TDG: variants seen among roughly 807,000 people sequenced by gnomAD.
TDG encodes thymine DNA glycosylase.
TDG carries 23 observed loss-of-function variants against 46.1 expected under a neutral mutation model. The ratio of observed to expected loss-of-function variants is 0.50; its 90% CI spans 0.36 to 0.71. The LOEUF (loss-of-function observed/expected upper bound fraction) is 0.71, where lower values mean the gene tolerates loss of function less well. Ranked by LOEUF, TDG falls within the 30% of genes least tolerant of loss-of-function variation. TDG has a pLI of 0.00. For missense variants in TDG, 304 were observed against 486.7 expected (o/e 0.62, Z 3.53); for synonymous variants, 115 against 161.3 (o/e 0.71, Z 2.18).
intron 8 of TDG, 88 bp downstream of exon 8, chr12:103,985,008 TACATATAC>T (rs1407016478): frequency 3.2e-5 from 36 of 1,118,434 alleles, no homozygotes; most frequent in Non-Finnish European, 4.1e-5. Context: ...TATACATATA[TACATATAC>T]ACATATACAT....
chr12:103,973,062 A>G (rs1240937960), intron 1 of TDG: 3 of 701,156 alleles, frequency 4.3e-6, no homozygotes, highest in African/African-American at 3.5e-5. Context: ...TGACCATGTG[A>G]CAGAGTAAAA....
At chr12:103,973,115 G>A (rs1432589501) in intron 1 of TDG, 5 of 610,794 alleles carry the variant, frequency 8.2e-6, no homozygotes, top group African/African-American at 2.0e-5. Context: ...ACGGAGTTTC[G>A]CTCTTGTTGT....
chr12:103,978,225 C>T (rs1871633454), intron 2 of TDG, among the ~76,000 whole-genome samples: 1 of 151,118 alleles, frequency 6.6e-6, no homozygotes, highest in Admixed American at 6.6e-5. Flanking sequence ...CTAGCCATGG[C>T]TAATGGGTTT....
intron 4 of TDG, among the ~76,000 whole-genome samples, chr12:103,982,157 TTATC>T (rs1467366556): frequency 2.0e-5 from 3 of 152,242 alleles, no homozygotes; most frequent in Non-Finnish European, 4.4e-5. Flanking sequence ...AGGAAATTGA[TTATC>T]TAATAGTAAC....
At position 103,965,909 on chromosome 12, in the gene TDG, TG is replaced by T; in HGVS notation, c.-126del. The T allele has an allele frequency of 7.1e-7, 1 of 1,410,074 alleles. No individual in the cohort carries two copies. Among genetic ancestry groups the T allele is most frequent in the Non-Finnish European group, 9.6e-7 (1 of 1,044,094 alleles). 87.3% of individuals were successfully genotyped at this position (1,410,074 alleles called of 1,614,324 possible). The stretch of plus-strand genomic sequence containing the variant: ...GAGGAGCTTGAGTCCAGCCACTGTC[TG>T]GGTACTGCCAGCCATCGGGCCCAGG... On this transcript the variant is annotated 5_prime_UTR_variant, in exon 1 of 10. Transcript: ENST00000392872.
At chr12:103,980,175 T>C (rs1394599239) in intron 3 of TDG, 103 bp downstream of exon 3, 2 of 1,510,020 alleles carry the variant, frequency 1.3e-6, no homozygotes, top group East Asian at 2.3e-5. Context: ...GGACCATTTC[T>C]AAGAATCCTT....
Position 103,979,984 on chromosome 12 carries a change from A to G in TDG, c.320A>G (p.Lys107Arg), listed in dbSNP as rs552491179. Reference protein sequence around the residue: ...KITDTFKVKRKVDRFNGVSEA... With the variant: ...KITDTFKVKRRVDRFNGVSEA... ...ACAGACACATTTAAAGTAAAAAGAAAAGTAGACCGTTTTAATGGTGTTTCA... is the reference window on the plus strand; with the variant it reads ...ACAGACACATTTAAAGTAAAAAGAAGAGTAGACCGTTTTAATGGTGTTTCA... Residue 107 changes from lysine (K) to arginine (R), a missense_variant, in exon 3 of 10, where the codon AAA (lysine) becomes AGA (arginine). Physicochemically the swap from Lys to Arg is conservative, Grantham distance 26. Coordinates refer to ENST00000392872, the MANE Select transcript of TDG (RefSeq NM_003211.6). The G allele has an allele frequency of 6.2e-7, 1 of 1,613,410 alleles. No individual in the cohort carries two copies. The highest frequency in any genetic ancestry group is 8.5e-7 in the Non-Finnish European group (1 of 1,179,984).
intron 1 of TDG, among the ~76,000 whole-genome samples, chr12:103,968,460 A>C (rs976458485): frequency 6.6e-6 from 1 of 152,230 alleles, no homozygotes; most frequent in Non-Finnish European, 1.5e-5. Context: ...TCCCCAGTCT[A>C]CTGGCATGGT....
Position 103,979,892 on chromosome 12 carries a change from C to CA in TDG, c.234dup (p.Pro79ThrfsTer3). 1 of 1,607,630 alleles carries CA rather than the reference C, an allele frequency of 6.2e-7. No homozygotes were observed. The highest frequency in any genetic ancestry group is 8.5e-7 in the Non-Finnish European group (1 of 1,178,680). ...CAGAACCAAAACAACCAGTGGAACC[C>CA]AAAAAACCTGTTGAGTCAAAAAAAT... is the stretch of plus-strand genomic sequence containing the variant. On this transcript the variant is annotated frameshift_variant, in exon 3 of 10. Coordinates refer to ENST00000392872, the MANE Select transcript of TDG (RefSeq NM_003211.6). LOFTEE classifies it high-confidence loss of function.
At position 103,984,877 on chromosome 12, in the gene TDG, C is replaced by T. The variant is rs781101172; in HGVS notation, c.921C>T (p.Asp307=). Residue 307 remains aspartate (D), a synonymous_variant, in exon 8 of 10, where the codon GAC becomes GAT. Transcript: ENST00000392872. ...DQLKGIERNM[D]VQEVQYTFDL... ...TGAAAGGCATTGAACGAAATATGGA[C>T]GTTCAAGAGGTGCAATATACATTTG... 71 of 1,613,154 alleles carry T rather than the reference C, an allele frequency of 4.4e-5. No individual in the cohort carries two copies. Among genetic ancestry groups the T allele is most frequent in the East Asian group, 6.7e-5 (3 of 44,886 alleles).
At position 103,984,761 on chromosome 12, in the gene TDG, A is replaced by T; in HGVS notation, c.805A>T (p.Met269Leu). Residue 269 changes from methionine (M) to leucine (L), a missense_variant, in exon 8 of 10, where the codon ATG (methionine) becomes TTG (leucine). By Grantham distance (15) the Met-to-Leu change is conservative (BLOSUM62 2). Coordinates refer to ENST00000392872, the MANE Select transcript of TDG (RefSeq NM_003211.6). ...IPDTETLCYV[M>L]PSSSARCAQF... ...GTTGTGATTCTAGCTCTGCTATGTT[A>T]TGCCATCATCCAGTGCAAGATGTGC... is the stretch of plus-strand genomic sequence containing the variant. 1 of 1,608,600 alleles carries T rather than the reference A, an allele frequency of 6.2e-7. No individual in the cohort carries two copies. The highest frequency in any genetic ancestry group is 8.5e-7 in the Non-Finnish European group (1 of 1,176,256).
intron 1 of TDG, among the ~76,000 whole-genome samples, chr12:103,967,363 G>A (rs1410928116): frequency 2.6e-5 from 4 of 151,824 alleles, no homozygotes; most frequent in African/African-American, 7.3e-5. Context: ...AAATGACTCA[G>A]ACCCCAGGTA....
At position 103,980,077 on chromosome 12, in the gene TDG, G is replaced by T. The variant is rs747463909; in HGVS notation, c.408+5G>T. The T allele has an allele frequency of 1.2e-6, 2 of 1,613,942 alleles. No homozygotes were observed. Among genetic ancestry groups the T allele is most frequent in the Non-Finnish European group, 1.7e-6 (2 of 1,179,964 alleles). On this transcript the variant is annotated splice_donor_5th_base_variant and intron_variant, in intron 3 of 9. Transcript: ENST00000392872. ...TTCAATCTGGACATTGTCATTGTAA[G>T]ATCTTTGTCCTCGTTGGATTTTATA...
At chr12:103,975,168 C>T (rs1342033151) in intron 1 of TDG, among the ~76,000 whole-genome samples, 1 of 152,118 alleles carries the variant, frequency 6.6e-6, no homozygotes, top group Non-Finnish European at 1.5e-5. Context: ...ACAGCAACAC[C>T]ATGAGATAGT....
chr12:103,982,849 G>C lies in TDG; in HGVS notation c.529G>C (p.Asp177His). The change falls in exon 5 of 10, where the codon GAT (aspartate) becomes CAT (histidine). Residue 177 changes from aspartate (D) to histidine (H), a missense_variant. Asp to His is a moderately conservative substitution (Grantham distance 81). Transcript: ENST00000392872. ...GLSEVQLNHM[D>H]DHTLPGKYGI... The stretch of plus-strand genomic sequence containing the variant: ...CAGTGAGGTCCAGCTGAACCATATG[G>C]ATGATCACACTCTACCAGGGAAGTA... The C allele has an allele frequency of 6.2e-7, 1 of 1,614,008 alleles. No individual in the cohort carries two copies. The highest frequency in any genetic ancestry group is 1.1e-5 in the South Asian group (1 of 91,062).
Position 103,987,439 on chromosome 12 carries a change from A to C in TDG, c.*349A>C, listed in dbSNP as rs1455575781. The C allele has an allele frequency of 1.3e-4, 25 of 194,610 alleles. No homozygotes were observed. Among genetic ancestry groups the C allele is most frequent in the African/African-American group, 5.5e-4 (24 of 43,734 alleles). The allele number at this position is 194,610 out of a possible 1,614,324, so 12.1% of individuals were successfully genotyped here. On this transcript the variant is annotated 3_prime_UTR_variant, in exon 10 of 10. Coordinates refer to ENST00000392872, the MANE Select transcript of TDG (RefSeq NM_003211.6). ...AGTTGATTCTTAACTGCATAAACCT[A>C]GATATACCATTATCCCTTTTATACC...
chr12:103,979,900 C>T lies in TDG; in HGVS notation c.236C>T (p.Pro79Leu), dbSNP rs1403296457. ...AAACAACCAGTGGAACCCAAAAAAC[C>T]TGTTGAGTCAAAAAAATCTGGCAAG... is the stretch of plus-strand genomic sequence containing the variant. ...EPKQPVEPKKPVESKKSGKSA... is the reference protein window; with the variant it reads ...EPKQPVEPKKLVESKKSGKSA... Residue 79 changes from proline (P) to leucine (L), a missense_variant, in exon 3 of 10, where the codon CCT becomes CTT. Physicochemically the swap from Pro to Leu is moderately conservative, Grantham distance 98. Transcript: ENST00000392872. 3 of 1,610,444 alleles carry T rather than the reference C, an allele frequency of 1.9e-6. No individual in the cohort carries two copies. The highest frequency in any genetic ancestry group is 2.5e-6 in the Non-Finnish European group (3 of 1,179,418).
chr12:103,984,987 A>ATG, intron 8 of TDG, 67 bp downstream of exon 8: 1 of 1,274,360 alleles, frequency 7.8e-7, no homozygotes, highest in Non-Finnish European at 1.0e-6. Context: ...ATACTTACAT[A>ATG]TATATACACA....
chr12:103,966,146 T>C, intron 1 of TDG, 86 bp downstream of exon 1: 1 of 1,396,282 alleles, frequency 7.2e-7, no homozygotes, highest in Non-Finnish European at 9.4e-7. Context: ...CGCAGGGGTC[T>C]TTTAAATCCC....
Sources: allele counts gnomAD v4.1 joint callset (sites outside exome capture counted in the v4.1 genomes callset), GRCh38; gene constraint gnomAD v4.1.1; transcripts MANE v1.5; gene names NCBI Gene and HGNC (gene_info 2026-07-23, HGNC 2026-07-21).